Variants in SYNPR observed in about 807,000 individuals in gnomAD.
The protein encoded by SYNPR is synaptoporin.
In SYNPR, 23 loss-of-function variants were observed where a neutral mutation model predicts 32.9. That is an observed-to-expected ratio of 0.70 (90% CI 0.50 to 0.99). SYNPR has a LOEUF of 0.99. SYNPR is among the 50% of genes least tolerant of loss of function. The pLI is 0.00. For synonymous variants in SYNPR, 146 were observed against 135.9 expected, an observed-to-expected ratio of 1.07 and a Z score of -0.52; for missense variants, 318 against 349.3, an observed-to-expected ratio of 0.91 and a Z score of 0.71.
intron 3 of SYNPR, among the ~76,000 whole-genome samples, chr3:63,544,524 C>T (rs1702365719): frequency 6.6e-6 from 1 of 151,984 alleles, no homozygotes; most frequent in South Asian, 2.1e-4. Flanking sequence ...ATTGAATTTC[C>T]TACCCAGCAA....
At chr3:63,539,806 C>G (rs1311842717) in intron 3 of SYNPR, among the ~76,000 whole-genome samples, 3 of 152,202 alleles carry the variant, frequency 2.0e-5, no homozygotes, top group Middle Eastern at 3.4e-3. Context: ...GGGCTCAGTC[C>G]TGCTGGGATC....
the SYNPR span, among the ~76,000 whole-genome samples, chr3:63,203,896 G>A: frequency 6.6e-6 from 1 of 152,144 alleles, no homozygotes; most frequent in Non-Finnish European, 1.5e-5. Flanking sequence ...CTGCTCCAGA[G>A]GCTGAGGCAG....
At chr3:63,235,221 A>G (rs1346415678) in intron 1 of SYNPR, among the ~76,000 whole-genome samples, 1 of 151,996 alleles carries the variant, frequency 6.6e-6, no homozygotes, top group Non-Finnish European at 1.5e-5. Context: ...TTTCCTGTTT[A>G]TAATATAACA....
chr3:63,278,284 C>T, upstream of SYNPR: 1 of 545,614 alleles, frequency 1.8e-6, no homozygotes, highest in Non-Finnish European at 3.3e-6. Flanking sequence ...GTTGTATCTA[C>T]CCTGCCCCAG....
chr3:63,292,782 C>T (rs1479127754), intron 2 of SYNPR, among the ~76,000 whole-genome samples: 1 of 152,196 alleles, frequency 6.6e-6, no homozygotes, highest in African/African-American at 2.4e-5. Flanking sequence ...CTTAAATGTG[C>T]GCATGCACAC....
At chr3:63,481,453 G>A (rs1182006297) in intron 3 of SYNPR, among the ~76,000 whole-genome samples, 72 of 149,184 alleles carry the variant, frequency 4.8e-4, no homozygotes, top group Non-Finnish European at 2.8e-4. Context: ...ATATATATAT[G>A]TGTGTGTGTG....
At chr3:63,291,128 C>A (rs188460560) in intron 2 of SYNPR, among the ~76,000 whole-genome samples, 4 of 152,268 alleles carry the variant, frequency 2.6e-5, no homozygotes, top group Admixed American at 2.0e-4. Flanking sequence ...TGAAGCCATG[C>A]AAGCTAAGTC....
chr3:63,278,404 G>C lies in SYNPR; in HGVS notation c.-130G>C, dbSNP rs1223772822. 4 of 1,253,514 alleles carry C rather than the reference G, an allele frequency of 3.2e-6. No individual in the cohort carries two copies. The Admixed American group carries it at 1.2e-4, about 37-fold the overall frequency. The allele number at this position is 1,253,514 out of a possible 1,614,324, so 77.6% of individuals were successfully genotyped here. ...GGGCTCCCCGAGGCCCCCTGCCCTCGCCGGGCTGCTCCAGGGTGTCGCTCC... is the reference window on the plus strand; with the variant it reads ...GGGCTCCCCGAGGCCCCCTGCCCTCCCCGGGCTGCTCCAGGGTGTCGCTCC... On this transcript the variant is annotated 5_prime_UTR_variant, in exon 1 of 6. Coordinates refer to ENST00000478300, the MANE Select transcript of SYNPR (RefSeq NM_001130003.2).
At chr3:63,393,166 C>G (rs1160726572) in intron 2 of SYNPR, among the ~76,000 whole-genome samples, 2 of 152,192 alleles carry the variant, frequency 1.3e-5, no homozygotes, top group Non-Finnish European at 2.9e-5. Flanking sequence ...TGGTATTGCA[C>G]AGAATCAAAC....
chr3:63,513,747 G>A (rs528621471), intron 3 of SYNPR, among the ~76,000 whole-genome samples: 9 of 152,086 alleles, frequency 5.9e-5, no homozygotes, highest in African/African-American at 2.2e-4. Context: ...TTGCATAAGA[G>A]AACTGAGTAA....
At chr3:63,612,120 T>C (rs1700207559) in intron 5 of SYNPR, among the ~76,000 whole-genome samples, 1 of 152,178 alleles carries the variant, frequency 6.6e-6, no homozygotes, top group African/African-American at 2.4e-5. Context: ...CTACAAATAC[T>C]GGGAGCTAAG....
chr3:63,480,178 C>G (rs1255947156), intron 2 of SYNPR, among the ~76,000 whole-genome samples: 1 of 152,128 alleles, frequency 6.6e-6, no homozygotes, highest in Non-Finnish European at 1.5e-5. Flanking sequence ...CATTCTACAC[C>G]AGGATAGACC....
At chr3:63,608,423 C>G (rs1700153853) in intron 4 of SYNPR, among the ~76,000 whole-genome samples, 1 of 152,198 alleles carries the variant, frequency 6.6e-6, no homozygotes, top group South Asian at 2.1e-4. Flanking sequence ...CATAAGAATA[C>G]TGTCTAATAT....
intron 3 of SYNPR, among the ~76,000 whole-genome samples, chr3:63,518,577 CT>C (rs1261855594): frequency 6.6e-6 from 1 of 152,082 alleles, no homozygotes; most frequent in Non-Finnish European, 1.5e-5. Context: ...TAATATTTTC[CT>C]TTTGACACAC....
intron 2 of SYNPR, among the ~76,000 whole-genome samples, chr3:63,316,934 T>C (rs1361998485): frequency 6.6e-6 from 1 of 151,944 alleles, no homozygotes; most frequent in African/African-American, 2.4e-5. Context: ...AGTTGTGTCA[T>C]TATTGTCATT....
chr3:63,468,647 A>T (rs554785022), intron 2 of SYNPR, among the ~76,000 whole-genome samples: 1 of 152,244 alleles, frequency 6.6e-6, no homozygotes, highest in South Asian at 2.1e-4. Context: ...CTAAAAATAC[A>T]AAGATTAACC....
chr3:63,576,164 C>T (rs1702976122), intron 4 of SYNPR, among the ~76,000 whole-genome samples: 1 of 152,256 alleles, frequency 6.6e-6, no homozygotes, highest in Middle Eastern at 3.4e-3. Context: ...ACAAGATCAG[C>T]AGCGTCCATC....
At chr3:63,431,496 G>A (rs773166846) in intron 2 of SYNPR, among the ~76,000 whole-genome samples, 6 of 152,134 alleles carry the variant, frequency 3.9e-5, no homozygotes, top group Non-Finnish European at 7.4e-5. Context: ...GGCTAACTAT[G>A]ACACAGGATG....
chr3:63,233,821 T>C (rs2086182438), intron 1 of SYNPR, among the ~76,000 whole-genome samples: 1 of 152,216 alleles, frequency 6.6e-6, no homozygotes, highest in South Asian at 2.1e-4. Context: ...GTATGTATGT[T>C]ATGAGATAGC....
Sources: allele counts gnomAD v4.1 joint callset (sites outside exome capture counted in the v4.1 genomes callset), GRCh38; gene constraint gnomAD v4.1.1; transcripts MANE v1.5; gene names NCBI Gene and HGNC (gene_info 2026-07-23, HGNC 2026-07-21).